The following PRKCB variants were observed in gnomAD, a reference collection of about 807,000 sequenced individuals.
The protein encoded by PRKCB is protein kinase C beta, also known as protein kinase C beta type.
PRKCB carries 13 observed loss-of-function variants against 81.5 expected under a neutral mutation model. That is an observed-to-expected ratio of 0.16 (90% CI 0.10 to 0.25). PRKCB has a LOEUF of 0.25. PRKCB is among the 10% of genes least tolerant of loss of function. The probability of loss-of-function intolerance (pLI) is 1.00; values close to 1 mark genes in which losing one functional copy is unlikely to be tolerated. For missense variants in PRKCB, 509 were observed against 875.7 expected (o/e 0.58, Z 5.29); for synonymous variants, 335 against 321.4 (o/e 1.04, Z -0.45).
chr16:23,875,670 A>G (rs527323394), intron 2 of PRKCB, among the ~76,000 whole-genome samples: 9 of 132,640 alleles, frequency 6.8e-5, no homozygotes, highest in African/African-American at 2.2e-4. Flanking sequence ...ATATATATGT[A>G]TGTATATCAC....
chr16:23,835,987 G>C lies in PRKCB; in HGVS notation c.-189G>C, dbSNP rs1027154206. ...CCAGCGGTGCCAAGCGCAGCTGGAC[G>C]AGCGGCAGCAGCTGGGCGAGTGACA... On this transcript the variant is annotated 5_prime_UTR_variant, in exon 1 of 17. Coordinates refer to ENST00000643927, the MANE Select transcript of PRKCB (RefSeq NM_002738.7). 2.5e-5 allele frequency: 5 copies of C among 198,176 alleles called. No homozygotes were observed. The highest frequency in any genetic ancestry group is 6.5e-5 in the Admixed American group (1 of 15,268). 12.3% of individuals were successfully genotyped at this position (198,176 alleles called of 1,614,324 possible).
At chr16:24,001,073 A>G (rs1275345705) in intron 3 of PRKCB, among the ~76,000 whole-genome samples, 1 of 151,908 alleles carries the variant, frequency 6.6e-6, no homozygotes, top group South Asian at 2.1e-4. Flanking sequence ...GGCACTCAAT[A>G]CCTGGTTTTA....
Position 24,218,249 on chromosome 16 carries a change from G to A in PRKCB, c.*3433G>A, listed in dbSNP as rs1968262444. On this transcript the variant is annotated 3_prime_UTR_variant, in exon 17 of 17. Transcript: ENST00000643927. ...AAGGATGCTAAAGTGTGACTTGTGG[G>A]GATTGGGAGAGAGATGCACAGACAA... 1.0e-6 allele frequency: 1 copy of A among 985,344 alleles called. No homozygotes were observed. The highest frequency in any genetic ancestry group is 1.2e-6 in the Non-Finnish European group (1 of 829,926). The allele number at this position is 985,344 out of a possible 1,614,324, so 61.0% of individuals were successfully genotyped here.
chr16:23,964,201 G>T (rs769407689), intron 2 of PRKCB, among the ~76,000 whole-genome samples: 1 of 152,218 alleles, frequency 6.6e-6, no homozygotes, highest in Non-Finnish European at 1.5e-5. Context: ...GGCTGATGTA[G>T]CTGGCAGTGA....
intron 8 of PRKCB, among the ~76,000 whole-genome samples, chr16:24,116,157 T>G (rs575670170): frequency 2.2e-4 from 33 of 152,050 alleles, no homozygotes; most frequent in Non-Finnish European, 4.6e-4. Flanking sequence ...CATTAGTGAG[T>G]GTATTCCTGT....
chr16:23,872,934 T>C (rs1398623467), intron 2 of PRKCB, among the ~76,000 whole-genome samples: 1 of 151,616 alleles, frequency 6.6e-6, no homozygotes, highest in Non-Finnish European at 1.5e-5. Context: ...TCCCAGCACT[T>C]TGGGAGGTCG....
chr16:24,171,555 G>C (rs149952021), intron 10 of PRKCB, among the ~76,000 whole-genome samples: 31 of 152,176 alleles, frequency 2.0e-4, no homozygotes, highest in Non-Finnish European at 4.1e-4. Flanking sequence ...CACTGTGGGT[G>C]GGGGGAGCAT....
intron 3 of PRKCB, among the ~76,000 whole-genome samples, chr16:23,999,954 C>G (rs1216974022): frequency 6.6e-6 from 1 of 152,126 alleles, no homozygotes; most frequent in Admixed American, 6.5e-5. Context: ...TGATTTGGCT[C>G]TCGTCCATGT....
chr16:23,889,849 C>A (rs181485543), intron 2 of PRKCB, among the ~76,000 whole-genome samples: 26 of 152,342 alleles, frequency 1.7e-4, no homozygotes, highest in African/African-American at 6.0e-4. Flanking sequence ...TCTCATCTAT[C>A]ATCTATCTAT....
intron 10 of PRKCB, among the ~76,000 whole-genome samples, chr16:24,163,420 C>A (rs1035981342): frequency 1.3e-5 from 2 of 152,140 alleles, no homozygotes; most frequent in Non-Finnish European, 2.9e-5. Flanking sequence ...GAAATGCAAC[C>A]CAGGCAAATA....
chr16:23,916,799 A>T (rs1963747793), intron 2 of PRKCB, among the ~76,000 whole-genome samples: 1 of 151,706 alleles, frequency 6.6e-6, no homozygotes, highest in African/African-American at 2.4e-5. Flanking sequence ...TGGCTTTGTC[A>T]CCCAGGCTGG....
chr16:23,995,464 A>G (rs1964942973), intron 3 of PRKCB, among the ~76,000 whole-genome samples: 1 of 152,154 alleles, frequency 6.6e-6, no homozygotes, highest in Admixed American at 6.5e-5. Flanking sequence ...ATTTTGGAAT[A>G]TAGTCCTGCC....
In PRKCB at chr16:23,990,511, C is replaced by G. The variant is rs1427300426; in HGVS notation, c.288+1921C>G. 9.3e-5 allele frequency among the ~76,000 whole-genome samples: 13 copies of G among 140,300 alleles called. 1 individual carries two copies. The South Asian group carries it at 2.9e-3, about 31-fold the overall frequency. 92.0% of individuals were successfully genotyped at this position (140,300 alleles called of 152,430 possible). On this transcript the variant is annotated intron_variant, in intron 3 of 16. Transcript: ENST00000643927. ...TTTTTTTTTTCTTTTTTTTTTTAAG[C>G]AAAGTCTTACTCTTTGAAGCCTTCT...
At chr16:24,193,476 T>C (rs954200516) in intron 16 of PRKCB, among the ~76,000 whole-genome samples, 3 of 139,806 alleles carry the variant, frequency 2.1e-5, no homozygotes, top group African/African-American at 8.0e-5. Context: ...AATAAATAAA[T>C]AAATAAATAA....
chr16:23,938,925 T>A (rs1964101594), intron 2 of PRKCB, among the ~76,000 whole-genome samples: 1 of 152,194 alleles, frequency 6.6e-6, no homozygotes, highest in Non-Finnish European at 1.5e-5. Context: ...TAAAACTGTA[T>A]TTATTTGCAA....
intron 5 of PRKCB, among the ~76,000 whole-genome samples, chr16:24,044,978 A>G (rs1409551493): frequency 2.0e-5 from 3 of 152,204 alleles, no homozygotes; most frequent in East Asian, 1.9e-4. Flanking sequence ...AAGGATACCA[A>G]CCAGGTTGTA....
Position 24,185,564 on chromosome 16 carries a change from AG to A in PRKCB, c.1722+1del. 6.2e-7 allele frequency: 1 copy of A among 1,611,694 alleles called. No individual in the cohort carries two copies. Among genetic ancestry groups the A allele is most frequent in the Non-Finnish European group, 8.5e-7 (1 of 1,177,758 alleles). ...MSKEAVAICK[G>X]LMTKHPGKRL... ...CCAAGGAAGCTGTGGCCATCTGCAA[AG>A]GGGTAAGTGCATCTCTTAAAGCTGT... is the stretch of plus-strand genomic sequence containing the variant. On this transcript the variant is annotated frameshift_variant and splice_region_variant, in exon 15 of 17. Coordinates refer to ENST00000643927, the MANE Select transcript of PRKCB (RefSeq NM_002738.7). LOFTEE classifies it high-confidence loss of function.
intron 5 of PRKCB, among the ~76,000 whole-genome samples, chr16:24,067,941 C>CAA (rs912993889): frequency 1.3e-4 from 10 of 76,926 alleles, no homozygotes; most frequent in South Asian, 1.2e-3. Flanking sequence ...GACTCCGTCT[C>CAA]AAAAAAAAAA....
intron 2 of PRKCB, among the ~76,000 whole-genome samples, chr16:23,962,441 A>G (rs1014971772): frequency 1.3e-5 from 2 of 152,156 alleles, no homozygotes. Flanking sequence ...TCTTTAGCAT[A>G]TTCTTGGTTT....
Sources: allele counts gnomAD v4.1 joint callset (sites outside exome capture counted in the v4.1 genomes callset), GRCh38; gene constraint gnomAD v4.1.1; transcripts MANE v1.5; gene names NCBI Gene and HGNC (gene_info 2026-07-23, HGNC 2026-07-21).